RABGAP1L: variants seen among roughly 807,000 people sequenced by gnomAD.
RABGAP1L encodes RAB GTPase activating protein 1 like, also known as rab GTPase-activating protein 1-like.
RABGAP1L carries 63 observed loss-of-function variants against 137.7 expected under a neutral mutation model. The observed-to-expected ratio is 0.46, with a 90% CI of 0.37 to 0.56. RABGAP1L has a LOEUF of 0.56. Ranked by LOEUF, RABGAP1L falls within the 20% of genes least tolerant of loss-of-function variation. RABGAP1L has a pLI of 0.00. For synonymous variants in RABGAP1L, 431 were observed against 433.7 expected (o/e 0.99, Z 0.08); for missense variants, 1,095 against 1,244.0 (o/e 0.88, Z 1.80).
At chr1:174,510,339 A>G (rs2281009) in intron 13 of RABGAP1L, among the ~76,000 whole-genome samples, 53,658 of 152,080 alleles carry the variant, frequency 0.35, 12,121 homozygotes, top group African/African-American at 0.64. Context: ...ATCCGTAGCA[A>G]GTAAAACCTA....
At chr1:174,877,388 T>C in intron 19 of RABGAP1L, 1 of 1,388,940 alleles carries the variant, frequency 7.2e-7, no homozygotes, top group Non-Finnish European at 9.6e-7. Context: ...CCCCTCGAAC[T>C]CAGGTGGGTG....
intron 19 of RABGAP1L, among the ~76,000 whole-genome samples, chr1:174,878,297 G>A (rs1384270718): frequency 1.3e-5 from 2 of 152,118 alleles, no homozygotes; most frequent in Admixed American, 6.6e-5. Flanking sequence ...CATGTTCTTG[G>A]CTCACCGCAG....
intron 13 of RABGAP1L, among the ~76,000 whole-genome samples, chr1:174,515,519 C>T (rs4652512): frequency 0.22 from 31,692 of 144,402 alleles, 3,897 homozygotes; most frequent in Admixed American, 0.25. Flanking sequence ...AAGTATTATA[C>T]TGTAGTTTGA....
In RABGAP1L at chr1:174,219,290, C is replaced by CT; in HGVS notation, c.134dup (p.Lys46GlufsTer5). 6.4e-7 allele frequency: 1 copy of CT among 1,553,352 alleles called. No homozygotes were observed. The highest frequency in any genetic ancestry group is 2.3e-5 in the East Asian group (1 of 43,118). On this transcript the variant is annotated frameshift_variant, in exon 2 of 26. Transcript: ENST00000681986. LOFTEE classifies it high-confidence loss of function. ...TACAAAACATGAAGAAAAACCTCAACTGAAGGTATTTTTTTCTTTTCTACA... is the reference window on the plus strand; with the variant it reads ...TACAAAACATGAAGAAAAACCTCAACTTGAAGGTATTTTTTTCTTTTCTACA...
chr1:174,392,437 A>C (rs2149079824), intron 12 of RABGAP1L, among the ~76,000 whole-genome samples: 1 of 152,342 alleles, frequency 6.6e-6, no homozygotes, highest in African/African-American at 2.4e-5. Flanking sequence ...GTATGGTAGC[A>C]CGTTAAGTCA....
At chr1:174,639,857 A>G (rs1164155096) in intron 14 of RABGAP1L, among the ~76,000 whole-genome samples, 1 of 152,186 alleles carries the variant, frequency 6.6e-6, no homozygotes, top group East Asian at 1.9e-4. Context: ...TTCATTTGAA[A>G]ATACTCATCA....
intron 17 of RABGAP1L, chr1:174,705,148 T>G (rs1679955528): frequency 6.6e-6 from 1 of 152,094 alleles, no homozygotes; most frequent in Admixed American, 6.6e-5. Flanking sequence ...GGAATAAAAT[T>G]AATGTGCTTA....
intron 23 of RABGAP1L, among the ~76,000 whole-genome samples, chr1:174,980,513 GAGATAAAGA>G (rs1349439580): frequency 5.9e-5 from 9 of 152,202 alleles, no homozygotes; most frequent in African/African-American, 1.9e-4. Context: ...TGGATCTGTA[GAGATAAAGA>G]AGATAAAGAA....
At chr1:174,909,857 C>G (rs1659767158) in intron 19 of RABGAP1L, among the ~76,000 whole-genome samples, 1 of 151,938 alleles carries the variant, frequency 6.6e-6, no homozygotes, top group Admixed American at 6.6e-5. Context: ...GTAGTGAGAT[C>G]AGCCGGGTGT....
At chr1:174,825,766 C>T (rs1262504534) in intron 19 of RABGAP1L, among the ~76,000 whole-genome samples, 1 of 152,158 alleles carries the variant, frequency 6.6e-6, no homozygotes, top group African/African-American at 2.4e-5. Flanking sequence ...CCTGTAATCC[C>T]AGCTGTAATC....
intron 17 of RABGAP1L, among the ~76,000 whole-genome samples, chr1:174,731,602 A>C (rs1025070819): frequency 6.6e-5 from 10 of 152,222 alleles, no homozygotes; most frequent in African/African-American, 2.2e-4. Context: ...TGGAACTCCA[A>C]CTTGAGAATT....
chr1:174,614,983 A>T (rs1671663344), intron 13 of RABGAP1L, among the ~76,000 whole-genome samples: 1 of 151,966 alleles, frequency 6.6e-6, no homozygotes, highest in African/African-American at 2.4e-5. Context: ...ATTTGTCTAA[A>T]TTTTTTTCAA....
At chr1:174,863,233 C>CAAAAAAAAAAAAAA (rs71117585) in intron 19 of RABGAP1L, among the ~76,000 whole-genome samples, 4 of 82,632 alleles carry the variant, frequency 4.8e-5, no homozygotes, top group Middle Eastern at 7.1e-3. Flanking sequence ...TTGTTTGTAG[C>CAAAAAAAAAAAAAA]AAAAAAAAAA....
chr1:174,958,216 C>T, intron 20 of RABGAP1L: 1 of 1,304,266 alleles, frequency 7.7e-7, no homozygotes, highest in South Asian at 1.3e-5. Context: ...ACATTTATTT[C>T]CACAAATGAA....
At chr1:174,251,081 G>A (rs12567864) in intron 6 of RABGAP1L, among the ~76,000 whole-genome samples, 13,607 of 152,240 alleles carry the variant, frequency 0.089, 825 homozygotes, top group East Asian at 0.22. Flanking sequence ...GATTATAAGT[G>A]TGAGCCACCG....
At chr1:174,386,355 G>C (rs1558190426) in intron 12 of RABGAP1L, among the ~76,000 whole-genome samples, 1 of 152,120 alleles carries the variant, frequency 6.6e-6, no homozygotes. Context: ...CAAAATGGCA[G>C]CAACTAAGTA....
Position 174,624,518 on chromosome 1 carries a change from A to T in RABGAP1L, c.1711-12857A>T, listed in dbSNP as rs193004557. ...AATGTTAAATAAATATTTGAATGGG[A>T]AGTTTTCATATAGACTTGCAAGTAG... On this transcript the variant is annotated intron_variant, in intron 13 of 25. Coordinates refer to ENST00000681986, the MANE Select transcript of RABGAP1L (RefSeq NM_001366446.1). 3.0e-4 allele frequency among the ~76,000 whole-genome samples: 45 copies of T among 152,276 alleles called. 1 individual carries two copies. The East Asian group carries it at 4.2e-3, about 14-fold the overall frequency.
In RABGAP1L at chr1:174,701,033, T is replaced by C. The variant is rs1679607350; in HGVS notation, c.2026-1080T>C. 3 of 1,296,134 alleles carry C rather than the reference T, an allele frequency of 2.3e-6. No homozygotes were observed. The Admixed American group carries it at 7.1e-5, about 31-fold the overall frequency. 80.3% of individuals were successfully genotyped at this position (1,296,134 alleles called of 1,614,324 possible). On this transcript the variant is annotated intron_variant, in intron 16 of 25. Coordinates refer to ENST00000681986, the MANE Select transcript of RABGAP1L (RefSeq NM_001366446.1). ...GAAGTACCTAATGGGCACATTTGGCTATTTTTCAAAGAGAGCATGTAGTTC... is the reference window on the plus strand; with the variant it reads ...GAAGTACCTAATGGGCACATTTGGCCATTTTTCAAAGAGAGCATGTAGTTC...
intron 19 of RABGAP1L, chr1:174,850,067 G>A: frequency 1.9e-6 from 1 of 539,258 alleles, no homozygotes; most frequent in Non-Finnish European, 3.7e-6. Context: ...TGTTGGTAGA[G>A]GGGTGTCTGG....
Sources: allele counts gnomAD v4.1 joint callset (sites outside exome capture counted in the v4.1 genomes callset), GRCh38; gene constraint gnomAD v4.1.1; transcripts MANE v1.5; gene names NCBI Gene and HGNC (gene_info 2026-07-23, HGNC 2026-07-21).